The following NPHP1 variants were observed in gnomAD, a reference collection of about 807,000 sequenced individuals.
NPHP1 encodes nephrocystin 1, also known as nephrocystin-1.
NPHP1 carries 70 observed loss-of-function variants against 90.4 expected under a neutral mutation model. The ratio of observed to expected loss-of-function variants is 0.77; its 90% CI spans 0.64 to 0.95. NPHP1 has a LOEUF of 0.95. Among genes scored for constraint, NPHP1 ranks in the 40% least tolerant of loss-of-function variants. NPHP1 has a pLI of 0.00. For missense variants in NPHP1, 764 were observed against 795.9 expected (o/e 0.96, Z 0.48); for synonymous variants, 256 against 271.7 (o/e 0.94, Z 0.57).
intron 4 of NPHP1, among the ~76,000 whole-genome samples, chr2:110,174,920 T>C (rs1683407354): frequency 2.0e-5 from 3 of 152,006 alleles, no homozygotes; most frequent in Non-Finnish European, 4.4e-5. Context: ...AATGTACCTC[T>C]GGAGAAAATA....
At chr2:110,170,124 A>T (rs1683019469) in intron 4 of NPHP1, 126 bp from the exon 5 acceptor site, 10 of 1,277,238 alleles carry the variant, frequency 7.8e-6, no homozygotes, top group Non-Finnish European at 1.1e-5. Context: ...GAAATAAGGG[A>T]AAATACAAAG....
rs566425138 is a variant in NPHP1, at chr2:110,144,899, T to A, written c.1353-330A>T. ...TACATTAATGACAAGTGATTTTTTT[T>A]AATGTATTTTTCAAATGTGTTAAAT... is the stretch of plus-strand genomic sequence containing the variant. On this transcript the variant is annotated intron_variant, in intron 14 of 19. Transcript: ENST00000445609. 1.6e-4 allele frequency among the ~76,000 whole-genome samples: 24 copies of A among 152,292 alleles called. 1 individual carries two copies. The South Asian group carries it at 3.3e-3, about 21-fold the overall frequency.
chr2:110,161,721 T>C, intron 9 of NPHP1, 24 bp from the exon 10 acceptor site: 2 of 1,531,156 alleles, frequency 1.3e-6, no homozygotes, highest in South Asian at 1.1e-5. Flanking sequence ...TTTTTCTTCA[T>C]TTTCTTACAA....
chr2:110,168,521 T>C lies in NPHP1; in HGVS notation c.555A>G (p.Lys185=), dbSNP rs749606788. 1.9e-6 allele frequency: 3 copies of C among 1,611,404 alleles called. No homozygotes were observed. The highest frequency in any genetic ancestry group is 2.2e-5 in the East Asian group (1 of 44,838). ...CCTTAGCTATCCACCAACCATCAGG[T>C]TTTTTTTCAATTACAAGGAGAATTT... ...KGEILLVIEK[K]PDGWWIAKDA... is the part of the protein sequence containing the mutation. The change falls in exon 6 of 20, where the codon AAA becomes AAG. Residue 185 remains lysine (K), a synonymous_variant. Transcript: ENST00000445609.
chr2:110,135,476 CAAAAAAAAAAAAAAAAA>C (rs66696927), intron 16 of NPHP1, among the ~76,000 whole-genome samples: 1 of 15,116 alleles, frequency 6.6e-5, no homozygotes, highest in East Asian at 2.2e-3. Flanking sequence ...GACCCCGTCT[CAAAAAAAAAAAAAAAAA>C]AAAAAAAAAA....
intron 19 of NPHP1, chr2:110,125,117 CAAG>C (rs1679253674): frequency 7.2e-6 from 10 of 1,394,348 alleles, no homozygotes; most frequent in Non-Finnish European, 9.5e-6. Context: ...CCTGAAAAGC[CAAG>C]AAGATTTTCC....
At chr2:110,181,583 A>G (rs1473575560) in intron 2 of NPHP1, among the ~76,000 whole-genome samples, 1 of 150,508 alleles carries the variant, frequency 6.6e-6, no homozygotes, top group African/African-American at 2.5e-5. Context: ...ACAAACAGAA[A>G]ACAACAACAA....
intron 2 of NPHP1, among the ~76,000 whole-genome samples, chr2:110,190,782 C>T (rs1158156644): frequency 6.6e-6 from 1 of 152,150 alleles, no homozygotes; most frequent in Non-Finnish European, 1.5e-5. Context: ...AACAGACAAC[C>T]TACAGAATGG....
At chr2:110,131,312 A>G (rs1045339364) in intron 17 of NPHP1, among the ~76,000 whole-genome samples, 2 of 152,134 alleles carry the variant, frequency 1.3e-5, no homozygotes, top group Non-Finnish European at 2.9e-5. Flanking sequence ...ACTAAGAACC[A>G]GCTATTTTGG....
chr2:110,197,218 A>G (rs1290183550), intron 2 of NPHP1, among the ~76,000 whole-genome samples: 1 of 152,162 alleles, frequency 6.6e-6, no homozygotes, highest in African/African-American at 2.4e-5. Context: ...TCTGTCCAGT[A>G]AACCAGTATG....
Position 110,203,646 on chromosome 2 carries a change from G to A in NPHP1, c.69+1254C>T, listed in dbSNP as rs574537968. On this transcript the variant is annotated intron_variant, in intron 1 of 19. Coordinates refer to ENST00000445609, the MANE Select transcript of NPHP1 (RefSeq NM_001128178.3). ...TATGAGCATCAGTGAATCTCTTACC[G>A]GCCTCAGATTATAAAATAATTTTAC... 1.2e-4 allele frequency among the ~76,000 whole-genome samples: 18 copies of A among 151,794 alleles called. No homozygotes were observed. The South Asian group carries it at 3.3e-3, about 28-fold the overall frequency.
At chr2:110,202,764 A>G (rs1685657306) in intron 1 of NPHP1, among the ~76,000 whole-genome samples, 1 of 152,176 alleles carries the variant, frequency 6.6e-6, no homozygotes, top group Non-Finnish European at 1.5e-5. Flanking sequence ...TTAAAAAATC[A>G]AGAAATGACA....
chr2:110,150,984 G>C (rs1043635035), intron 11 of NPHP1, among the ~76,000 whole-genome samples: 1 of 151,354 alleles, frequency 6.6e-6, no homozygotes, highest in Non-Finnish European at 1.5e-5. Flanking sequence ...TGGCCAACAT[G>C]ATGAAACCCT....
At chr2:110,161,267 C>T (rs1315851913) in intron 10 of NPHP1, among the ~76,000 whole-genome samples, 1 of 152,140 alleles carries the variant, frequency 6.6e-6, no homozygotes, top group Non-Finnish European at 1.5e-5. Context: ...ACCCTTCACA[C>T]ACATAATTAT....
chr2:110,141,886 T>C (rs1405980900), intron 16 of NPHP1, among the ~76,000 whole-genome samples: 1 of 144,440 alleles, frequency 6.9e-6, no homozygotes, highest in Non-Finnish European at 1.5e-5. Context: ...GGCAGGAAAA[T>C]GGCGTGAACC....
intron 11 of NPHP1, among the ~76,000 whole-genome samples, chr2:110,157,233 A>AT (rs1177478173): frequency 1.3e-5 from 2 of 152,224 alleles, no homozygotes; most frequent in African/African-American, 4.8e-5. Context: ...ATTTTGATAT[A>AT]TTATTGAAAA....
At chr2:110,190,892 C>A (rs911698698) in intron 2 of NPHP1, among the ~76,000 whole-genome samples, 2 of 152,022 alleles carry the variant, frequency 1.3e-5, no homozygotes, top group Non-Finnish European at 2.9e-5. Flanking sequence ...AAAAAGTGAG[C>A]AAAAGGACAT....
Position 110,124,473 on chromosome 2 carries a change from G to C in NPHP1, c.1762-410C>G, listed in dbSNP as rs776903605. The C allele has an allele frequency of 7.8e-5, 22 of 282,360 alleles. 1 individual carries two copies. Among genetic ancestry groups the C allele is most frequent in the South Asian group, 1.7e-4 (4 of 23,306 alleles). The allele number at this position is 282,360 out of a possible 1,614,324, so 17.5% of individuals were successfully genotyped here. ...CAGAGGTAACTGTCATGTTATCTAA[G>C]ATAATTGTAGCAGGTGTTCTGCATA... On this transcript the variant is annotated intron_variant, in intron 19 of 19. Coordinates refer to ENST00000445609, the MANE Select transcript of NPHP1 (RefSeq NM_001128178.3).
chr2:110,178,110 C>A, intron 4 of NPHP1: 1 of 408,324 alleles, frequency 2.4e-6, no homozygotes, highest in Non-Finnish European at 4.3e-6. Context: ...AAATCATTTC[C>A]CTTTTACACA....
Sources: allele counts gnomAD v4.1 joint callset (sites outside exome capture counted in the v4.1 genomes callset), GRCh38; gene constraint gnomAD v4.1.1; transcripts MANE v1.5; gene names NCBI Gene and HGNC (gene_info 2026-07-23, HGNC 2026-07-21).